The following CRPPA variants were observed in gnomAD, a reference collection of about 807,000 sequenced individuals.
The protein encoded by CRPPA is CDP-L-ribitol pyrophosphorylase A.
Under a neutral mutation model 52.0 loss-of-function variants are expected in CRPPA, and 43 were observed. The observed-to-expected ratio is 0.83, with a 90% CI of 0.65 to 1.07. The LOEUF (loss-of-function observed/expected upper bound fraction) is 1.07. Ranked by LOEUF, CRPPA falls within the 50% of genes least tolerant of loss-of-function variation. The pLI, the probability that CRPPA is intolerant of heterozygous loss-of-function variation, is 0.00. For missense variants in CRPPA, 629 were observed against 551.7 expected (o/e 1.14, Z -1.40); for synonymous variants, 250 against 203.5 (o/e 1.23, Z -1.94).
At position 16,409,261 on chromosome 7, in the gene CRPPA, ATGCAGTTT is replaced by A. The variant is rs371086304; in HGVS notation, c.258-2932_258-2925del. Among the ~76,000 whole-genome samples, 698 of 152,330 alleles carry A rather than the reference ATGCAGTTT, an allele frequency of 4.6e-3. 7 individuals are homozygous for A. The highest frequency in any genetic ancestry group is 0.016 in the African/African-American group (668 of 41,582). ...TACTCCCCCAAATCTTCCAGAAGGA[ATGCAGTTT>A]TGCCAACACCTTGACACAGCTCAGT... On this transcript the variant is annotated intron_variant, in intron 1 of 9. Coordinates refer to ENST00000407010, the MANE Select transcript of CRPPA (RefSeq NM_001101426.4).
chr7:16,314,861 T>C (rs1365652350), intron 3 of CRPPA, among the ~76,000 whole-genome samples: 1 of 152,076 alleles, frequency 6.6e-6, no homozygotes, highest in African/African-American at 2.4e-5. Context: ...TTAGGTGTAG[T>C]TTATTTGGAA....
intron 6 of CRPPA, among the ~76,000 whole-genome samples, chr7:16,262,949 G>C (rs1209479155): frequency 6.6e-6 from 1 of 152,000 alleles, no homozygotes; most frequent in East Asian, 1.9e-4. Context: ...ATTTTCTATT[G>C]TTTTTAAAGC....
chr7:16,388,648 G>A (rs1787358349), intron 2 of CRPPA, among the ~76,000 whole-genome samples: 1 of 152,224 alleles, frequency 6.6e-6, no homozygotes, highest in Non-Finnish European at 1.5e-5. Context: ...GCCAAGGCAG[G>A]TGGATCACTT....
At chr7:16,214,653 C>A (rs747476564) in intron 9 of CRPPA, among the ~76,000 whole-genome samples, 1 of 152,240 alleles carries the variant, frequency 6.6e-6, no homozygotes, top group South Asian at 2.1e-4. Context: ...TACAGGCACC[C>A]ACAACCATGC....
At chr7:16,301,180 T>G (rs1467469448) in intron 5 of CRPPA, among the ~76,000 whole-genome samples, 2 of 152,226 alleles carry the variant, frequency 1.3e-5, no homozygotes, top group African/African-American at 4.8e-5. Flanking sequence ...TGTCCCATAC[T>G]TCCCTCAAGT....
At chr7:16,191,986 A>C (rs950785394) in intron 9 of CRPPA, among the ~76,000 whole-genome samples, 8 of 152,252 alleles carry the variant, frequency 5.3e-5, no homozygotes, top group Non-Finnish European at 7.4e-5. Context: ...TGCCTGGCAT[A>C]GTGAATTTTT....
chr7:16,355,768 G>C (rs1359461355), intron 3 of CRPPA, among the ~76,000 whole-genome samples: 1 of 152,144 alleles, frequency 6.6e-6, no homozygotes, highest in Non-Finnish European at 1.5e-5. Flanking sequence ...AACTAGAGTG[G>C]TTTGGGTGTT....
intron 9 of CRPPA, among the ~76,000 whole-genome samples, chr7:16,190,998 T>C (rs1225307640): frequency 2.0e-5 from 3 of 152,156 alleles, no homozygotes; most frequent in Admixed American, 1.3e-4. Flanking sequence ...TGTATATGTA[T>C]ATATGTCACA....
intron 6 of CRPPA, among the ~76,000 whole-genome samples, chr7:16,262,315 T>C (rs1783832164): frequency 6.6e-6 from 1 of 152,190 alleles, no homozygotes; most frequent in Admixed American, 6.5e-5. Context: ...TATGCTGCAA[T>C]TATCTTGACT....
intron 8 of CRPPA, among the ~76,000 whole-genome samples, chr7:16,238,727 T>G (rs1783018945): frequency 6.6e-6 from 1 of 152,188 alleles, no homozygotes; most frequent in South Asian, 2.1e-4. Flanking sequence ...ATGTTTAACA[T>G]GACTGTTAAA....
intron 8 of CRPPA, among the ~76,000 whole-genome samples, chr7:16,254,826 AAAG>A (rs1278708447): frequency 6.7e-6 from 1 of 148,994 alleles, no homozygotes; most frequent in Non-Finnish European, 1.5e-5. Flanking sequence ...AGAAAGAAAG[AAAG>A]AAAGAAAGAA....
intron 9 of CRPPA, among the ~76,000 whole-genome samples, chr7:16,163,210 G>A (rs188787355): frequency 2.8e-4 from 42 of 152,002 alleles, no homozygotes; most frequent in Admixed American, 2.0e-3. Flanking sequence ...TCCTGATCTC[G>A]TGATCTGCCT....
chr7:16,248,386 T>A (rs150955384), intron 8 of CRPPA, among the ~76,000 whole-genome samples: 10 of 151,792 alleles, frequency 6.6e-5, no homozygotes, highest in Non-Finnish European at 1.2e-4. Flanking sequence ...GTGCATTTGG[T>A]GGAGGGGGAC....
At chr7:16,117,251 C>T (rs1270516851) in intron 9 of CRPPA, among the ~76,000 whole-genome samples, 3 of 152,160 alleles carry the variant, frequency 2.0e-5, no homozygotes, top group African/African-American at 7.2e-5. Context: ...GTTTTCATGT[C>T]TCAAGTGAAA....
Position 16,132,132 on chromosome 7 carries a change from G to A in CRPPA, c.1252-40333C>T, listed in dbSNP as rs1186123250. Among the ~76,000 whole-genome samples the A allele has an allele frequency of 1.3e-5, 2 of 150,434 alleles. 1 individual carries two copies. The highest frequency in any genetic ancestry group is 3.0e-5 in the Non-Finnish European group (2 of 67,438). On this transcript the variant is annotated intron_variant, in intron 9 of 9. Transcript: ENST00000407010. ...AGACTGCCAGCTCCATGGGCCTAGA[G>A]AAAAGAATATGGAACCAAAGAGTGA...
chr7:16,253,676 G>A (rs1300283883), intron 8 of CRPPA, among the ~76,000 whole-genome samples: 3 of 151,928 alleles, frequency 2.0e-5, no homozygotes, highest in African/African-American at 7.2e-5. Flanking sequence ...ACATAGGCAT[G>A]GGCAAAGACT....
At chr7:16,140,351 G>C (rs764943187) in intron 9 of CRPPA, among the ~76,000 whole-genome samples, 5 of 151,462 alleles carry the variant, frequency 3.3e-5, no homozygotes, top group Non-Finnish European at 5.9e-5. Flanking sequence ...TTTTAGTAGA[G>C]ATGGGGTTTC....
chr7:16,264,780 C>G (rs1393971566), intron 6 of CRPPA, among the ~76,000 whole-genome samples: 1 of 152,112 alleles, frequency 6.6e-6, no homozygotes, highest in Non-Finnish European at 1.5e-5. Context: ...TTTTGCCTTT[C>G]TAGCATTCAG....
intron 5 of CRPPA, among the ~76,000 whole-genome samples, chr7:16,300,178 T>C (rs1784764303): frequency 6.6e-6 from 1 of 152,186 alleles, no homozygotes; most frequent in African/African-American, 2.4e-5. Context: ...AAACAACATA[T>C]CCTTGAAGGA....
Sources: gnomAD v4.1 joint callset for allele counts (sites outside exome capture counted in the v4.1 genomes callset) on GRCh38, gnomAD v4.1.1 for gene constraint, MANE v1.5 for transcripts, NCBI Gene and HGNC (gene_info 2026-07-23, HGNC 2026-07-21) for gene names.